The following TNK2 variants were observed in gnomAD, a reference collection of about 807,000 sequenced individuals.
The protein encoded by TNK2 is tyrosine kinase non receptor 2.
Under a neutral mutation model 101.8 loss-of-function variants are expected in TNK2, and 83 were observed. The observed-to-expected ratio is 0.82, with a 90% CI of 0.68 to 0.98. The LOEUF is 0.98. TNK2 is among the 50% of genes least tolerant of loss of function. The pLI, the probability that TNK2 is intolerant of heterozygous loss-of-function variation, is 0.00. For missense variants in TNK2, 1,665 were observed against 1,483.2 expected (o/e 1.12, Z -2.01); for synonymous variants, 804 against 633.0 (o/e 1.27, Z -4.06).
At chr3:195,890,859 C>T (rs1758131625) in intron 1 of TNK2, among the ~76,000 whole-genome samples, 1 of 152,202 alleles carries the variant, frequency 6.6e-6, no homozygotes, top group Admixed American at 6.5e-5. Flanking sequence ...AGGCAACCCC[C>T]TCTCATTATT....
chr3:195,877,340 T>C (rs1010983397), intron 9 of TNK2, among the ~76,000 whole-genome samples: 1 of 151,654 alleles, frequency 6.6e-6, no homozygotes, highest in Non-Finnish European at 1.5e-5. Context: ...GCCACAGCGG[T>C]GCAGGTCACA....
chr3:195,900,378 AGAG>A (rs1429274351), intron 1 of TNK2, among the ~76,000 whole-genome samples: 2 of 152,094 alleles, frequency 1.3e-5, no homozygotes, highest in Non-Finnish European at 2.9e-5. Flanking sequence ...GTCACTTGAG[AGAG>A]GAGGGGTGAG....
chr3:195,896,248 C>A, intron 1 of TNK2: 1 of 390,582 alleles, frequency 2.6e-6, no homozygotes, highest in Non-Finnish European at 5.1e-6. Flanking sequence ...CTGAAGCAGC[C>A]ACTGACTCTT....
intron 1 of TNK2, chr3:195,894,680 C>CGCCCGGCCCG (rs960704596): frequency 2.0e-5 from 3 of 152,664 alleles, no homozygotes; most frequent in East Asian, 1.9e-4. Flanking sequence ...TGAGCCACCG[C>CGCCCGGCCCG]GCCCGGCCCG....
chr3:195,890,765 AACT>A (rs1758081390), intron 1 of TNK2, among the ~76,000 whole-genome samples: 5 of 152,196 alleles, frequency 3.3e-5, no homozygotes, highest in Admixed American at 1.3e-4. Flanking sequence ...CCTGGAATGA[AACT>A]ACTGTGTAAA....
intron 1 of TNK2, among the ~76,000 whole-genome samples, chr3:195,897,824 C>CCCA (rs1760795843): frequency 7.4e-6 from 1 of 134,446 alleles, no homozygotes; most frequent in African/African-American, 2.7e-5. Flanking sequence ...CCCCACCCCC[C>CCCA]CCCCACCCCC....
rs745901896 is a variant in TNK2, at chr3:195,868,499, CAGGGCCGT to C, written c.1791_1798del (p.Pro599AlafsTer50). 2.6e-6 allele frequency: 4 copies of C among 1,550,696 alleles called. No homozygotes were observed. Among genetic ancestry groups the C allele is most frequent in the South Asian group, 1.2e-5 (1 of 85,956 alleles). On this transcript the variant is annotated frameshift_variant, in exon 13 of 16. Transcript: ENST00000672887. LOFTEE classifies it high-confidence loss of function. Reference sequence around the variant, plus strand: ...GGCCAGCTGCGCCAGGGAGGGCGCGCAGGGCCGTAGGGCCGGGACCACGGGCTCCTCAC... The same window carrying C: ...GGCCAGCTGCGCCAGGGAGGGCGCGCAGGGCCGGGACCACGGGCTCCTCAC...
Position 195,885,130 on chromosome 3 carries a change from G to A in TNK2, c.235-97C>T, listed in dbSNP as rs939541886. On this transcript the variant is annotated intron_variant, in intron 3 of 15. Transcript: ENST00000672887. This position sits in a 1 kb window ranked among gnomAD's most constrained non-coding sequence, Gnocchi z 4.7. ...GGTCCACCTGGTGATCCCCGGCTTC[G>A]GCTTCCAGATAGGTCCTGGTTTTGC... The A allele has an allele frequency of 2.1e-5, 27 of 1,308,680 alleles. No individual in the cohort carries two copies. The highest frequency in any genetic ancestry group is 1.0e-4 in the East Asian group (4 of 39,802). The allele number at this position is 1,308,680 out of a possible 1,614,324, so 81.1% of individuals were successfully genotyped here. A position where few individuals can be genotyped will look rare whatever the true frequency, so the allele number is the denominator to read the frequency against.
At chr3:195,864,802 A>C in intron 15 of TNK2, among the ~76,000 whole-genome samples, 1 of 146,978 alleles carries the variant, frequency 6.8e-6, no homozygotes, top group Non-Finnish European at 1.5e-5. Context: ...AGTGACAGAC[A>C]GGTGACACGG....
chr3:195,887,804 C>G (rs12632436), intron 2 of TNK2, among the ~76,000 whole-genome samples: 5,949 of 150,362 alleles, frequency 0.04, 264 homozygotes, highest in African/African-American at 0.11. Flanking sequence ...TGTGTGTATG[C>G]CGTGCGTGTG....
At chr3:195,871,259 G>A (rs555290367) in intron 10 of TNK2, among the ~76,000 whole-genome samples, 51 of 152,220 alleles carry the variant, frequency 3.4e-4, no homozygotes, top group Non-Finnish European at 6.8e-4. Flanking sequence ...GATGCCCCTC[G>A]GTGGCCTTAT....
chr3:195,868,035 G>A lies in TNK2; in HGVS notation c.2263C>T (p.Pro755Ser). 6.3e-7 allele frequency: 1 copy of A among 1,592,254 alleles called. No homozygotes were observed. The highest frequency in any genetic ancestry group is 8.5e-7 in the Non-Finnish European group (1 of 1,173,672). ...CGAGGGGGGATGGGTACCCGAGGAG[G>A]CACCTGGGGCTTGTCGTCACCCCCC... ...SPGGDDKPQV[P>S]PRVPIPPRPT... Residue 755 changes from proline (P) to serine (S), a missense_variant, in exon 13 of 16, where the codon CCT becomes TCT. Transcript: ENST00000672887.
intron 9 of TNK2, chr3:195,876,723 C>A (rs766491233): frequency 2.3e-6 from 1 of 441,952 alleles, no homozygotes; most frequent in South Asian, 1.6e-5. Context: ...AGGGAACCAG[C>A]GGCTGGGGCC....
In TNK2 at chr3:195,867,970, CG is replaced by C. The variant is rs762572016; in HGVS notation, c.2327del (p.Pro776ArgfsTer72). On this transcript the variant is annotated frameshift_variant, in exon 13 of 16. Coordinates refer to ENST00000672887, the MANE Select transcript of TNK2 (RefSeq NM_001382273.1). LOFTEE classifies it high-confidence loss of function. The stretch of plus-strand genomic sequence containing the variant: ...GCCACTGGCTGGTCTCCTCCTCGCC[CG>C]GGGGGGCTGGAGACAGCTGGACGTG... Reference protein sequence around the residue: ...RPHVQLSPAPPGEEETSQWPG... With the variant: ...RPHVQLSPAPXGEEETSQWPG... 3.2e-6 allele frequency: 5 copies of C among 1,541,858 alleles called. No homozygotes were observed. Among genetic ancestry groups the C allele is most frequent in the South Asian group, 2.4e-5 (2 of 83,394 alleles).
intron 1 of TNK2, among the ~76,000 whole-genome samples, chr3:195,889,725 TAAA>T (rs1241359556): frequency 1.3e-5 from 2 of 152,108 alleles, no homozygotes; most frequent in Non-Finnish European, 2.9e-5. Context: ...TGGGCCCAGA[TAAA>T]GAAGCTGGTG....
At chr3:195,904,706 T>A (rs747631389) in intron 1 of TNK2, among the ~76,000 whole-genome samples, 1 of 152,124 alleles carries the variant, frequency 6.6e-6, no homozygotes, top group Admixed American at 6.5e-5. Flanking sequence ...TAAAAGTTTT[T>A]AAAAATAAAA....
At chr3:195,897,596 G>A (rs1471840299) in intron 1 of TNK2, among the ~76,000 whole-genome samples, 1 of 152,222 alleles carries the variant, frequency 6.6e-6, no homozygotes, top group Non-Finnish European at 1.5e-5. Flanking sequence ...CTGCCTCGCA[G>A]GCTCAAGCAA....
At chr3:195,874,882 A>G (rs1446870576) in intron 9 of TNK2, among the ~76,000 whole-genome samples, 1 of 17,578 alleles carries the variant, frequency 5.7e-5, no homozygotes, top group Non-Finnish European at 1.1e-4. Flanking sequence ...TCCGAGGCAC[A>G]AGAAACTCCC....
chr3:195,904,220 T>C (rs945758371), intron 1 of TNK2, among the ~76,000 whole-genome samples: 9 of 147,660 alleles, frequency 6.1e-5, no homozygotes, highest in Non-Finnish European at 8.9e-5. Context: ...ATCACACCAC[T>C]GCTCTCCGGC....
Sources: gnomAD v4.1 joint callset for allele counts (sites outside exome capture counted in the v4.1 genomes callset) on GRCh38, gnomAD v4.1.1 for gene constraint, Gnocchi (gnomAD v3.1) non-coding constraint, MANE v1.5 for transcripts, NCBI Gene and HGNC (gene_info 2026-07-23, HGNC 2026-07-21) for gene names.